The following ALG10B variants were observed in gnomAD, a reference collection of about 807,000 sequenced individuals.
ALG10B encodes dol-P-Glc:Glc(2)Man(9)GlcNAc(2)-PP-Dol alpha-1,2-glucosyltransferase B.
A neutral mutation model predicts 38.7 loss-of-function variants in ALG10B; 27 were observed. The ratio of observed to expected loss-of-function variants is 0.70; its 90% CI spans 0.51 to 0.96. The LOEUF (loss-of-function observed/expected upper bound fraction) is 0.96, where lower values mean the gene tolerates loss of function less well. Among genes scored for constraint, ALG10B ranks in the 40% least tolerant of loss-of-function variants. The probability of loss-of-function intolerance (pLI) is 0.00; values close to 1 mark genes in which losing one functional copy is unlikely to be tolerated. For missense variants in ALG10B, 522 were observed against 542.7 expected (o/e 0.96, Z 0.38); for synonymous variants, 177 against 193.3 (o/e 0.92, Z 0.70).
Position 38,328,571 on chromosome 12 carries a change from C to T in ALG10B, c.*7358C>T, listed in dbSNP as rs1455528959. On this transcript the variant is annotated 3_prime_UTR_variant, in exon 3 of 3. Transcript: ENST00000308742. ...TAAACTTTTATTAGTCTGAATTAAA[C>T]TCTTTTATAGTGTTTTATTGTTTTA... The T allele has an allele frequency of 6.6e-6, 1 of 152,056 alleles. No individual in the cohort carries two copies. The highest frequency in any genetic ancestry group is 1.5e-5 in the Non-Finnish European group (1 of 67,978). The allele number at this position is 152,056 out of a possible 1,614,324, so 9.4% of individuals were successfully genotyped here.
rs951756543 is a variant in ALG10B at position 38,326,914 on chromosome 12, T to C, written c.*5701T>C. 31 of 151,526 alleles carry C rather than the reference T, an allele frequency of 2.0e-4. No homozygotes were observed. The highest frequency in any genetic ancestry group is 2.8e-4 in the Non-Finnish European group (19 of 67,874). 9.4% of individuals were successfully genotyped at this position (151,526 alleles called of 1,614,324 possible). Reference sequence around the variant, plus strand: ...ACAATATAATATCTCTATATTGTGCTTTTTTAAGAGATAAATTTTTGATGA... The same window carrying C: ...ACAATATAATATCTCTATATTGTGCCTTTTTAAGAGATAAATTTTTGATGA... On this transcript the variant is annotated 3_prime_UTR_variant, in exon 3 of 3. Coordinates refer to ENST00000308742, the MANE Select transcript of ALG10B (RefSeq NM_001013620.4).
In ALG10B at chr12:38,321,048, T is replaced by G; in HGVS notation, c.1257T>G (p.Ile419Met). ...PQKLLEFRYF[I>M]LPYVIYRLNI... ...AACTGCTGGAATTTCGTTACTTCAT[T>G]TTACCTTATGTCATTTATAGGCTTA... Residue 419 changes from isoleucine to methionine, a missense_variant, in exon 3 of 3, where the codon ATT becomes ATG. Ile to Met is a conservative substitution (Grantham distance 10). Transcript: ENST00000308742. The G allele has an allele frequency of 6.2e-7, 1 of 1,613,676 alleles. No homozygotes were observed. The highest frequency in any genetic ancestry group is 8.5e-7 in the Non-Finnish European group (1 of 1,179,782).
At chr12:38,317,699 T>A (rs1311653695) in intron 1 of ALG10B, 1 of 176,938 alleles carries the variant, frequency 5.7e-6, no homozygotes, top group Non-Finnish European at 1.2e-5. Flanking sequence ...TAAAGTCTGT[T>A]TTAGAGAAAG....
chr12:38,324,031 T>A lies in ALG10B; in HGVS notation c.*2818T>A. The A allele has an allele frequency of 1.5e-6, 1 of 679,334 alleles. No individual in the cohort carries two copies. The highest frequency in any genetic ancestry group is 2.7e-6 in the Non-Finnish European group (1 of 376,450). 42.1% of individuals were successfully genotyped at this position (679,334 alleles called of 1,614,324 possible). On this transcript the variant is annotated 3_prime_UTR_variant, in exon 3 of 3. Transcript: ENST00000308742. ...GAGGGATCACTGTTCTATATCTTTT[T>A]TTGTTTGTTTTTGTCTTTGAGGAGA...
chr12:38,323,575 G>T lies in ALG10B; in HGVS notation c.*2362G>T. Reference sequence around the variant, plus strand: ...CCTCAATGTCAAATTTTGCTTCTCTGAGTTTTAAGTGATGAGTCTACATTT... The same window carrying T: ...CCTCAATGTCAAATTTTGCTTCTCTTAGTTTTAAGTGATGAGTCTACATTT... On this transcript the variant is annotated 3_prime_UTR_variant, in exon 3 of 3. Coordinates refer to ENST00000308742, the MANE Select transcript of ALG10B (RefSeq NM_001013620.4). 1 of 220,694 alleles carries T rather than the reference G, an allele frequency of 4.5e-6. No homozygotes were observed. 13.7% of individuals were successfully genotyped at this position (220,694 alleles called of 1,614,324 possible). A position where few individuals can be genotyped will look rare whatever the true frequency, so the allele number is the denominator to read the frequency against.
chr12:38,327,113 T>G lies in ALG10B; in HGVS notation c.*5900T>G, dbSNP rs1421145067. The G allele has an allele frequency of 1.0e-5, 1 of 99,536 alleles. No homozygotes were observed. Among genetic ancestry groups the G allele is most frequent in the East Asian group, 3.3e-4 (1 of 3,074 alleles). The allele number at this position is 99,536 out of a possible 1,614,324, so 6.2% of individuals were successfully genotyped here. A position where few individuals can be genotyped will look rare whatever the true frequency, so the allele number is the denominator to read the frequency against. ...TAATGTATGTGTGTGTGTATACATA[T>G]AATTTCTCCTTTTTTTTTTTTGTAA... On this transcript the variant is annotated 3_prime_UTR_variant, in exon 3 of 3. Coordinates refer to ENST00000308742, the MANE Select transcript of ALG10B (RefSeq NM_001013620.4).
In ALG10B at chr12:38,329,419, C is replaced by T. The variant is rs2120529146; in HGVS notation, c.*8206C>T. 2 of 387,874 alleles carry T rather than the reference C, an allele frequency of 5.2e-6. No homozygotes were observed. The highest frequency in any genetic ancestry group is 7.3e-5 in the East Asian group (2 of 27,338). 24.0% of individuals were successfully genotyped at this position (387,874 alleles called of 1,614,324 possible). On this transcript the variant is annotated 3_prime_UTR_variant, in exon 3 of 3. Transcript: ENST00000308742. ...GTTTGAAAATTAATATTTAGCTTCT[C>T]AAAAGAGACTCCTGTTTGGAAGCAA... is the stretch of plus-strand genomic sequence containing the variant.
chr12:38,323,830 A>T lies in ALG10B; in HGVS notation c.*2617A>T. 1 of 696,986 alleles carries T rather than the reference A, an allele frequency of 1.4e-6. No homozygotes were observed. The highest frequency in any genetic ancestry group is 2.6e-6 in the Non-Finnish European group (1 of 383,002). 43.2% of individuals were successfully genotyped at this position (696,986 alleles called of 1,614,324 possible). ...ACTATAGTGGAGAACTAAATCTGGG[A>T]AGTCAAAATTGAAAAAAGAATGTGT... is the stretch of plus-strand genomic sequence containing the variant. On this transcript the variant is annotated 3_prime_UTR_variant, in exon 3 of 3. Transcript: ENST00000308742.
At chr12:38,318,628 T>G (rs764010928) in intron 2 of ALG10B, among the ~76,000 whole-genome samples, 170 bp downstream of exon 2, 1 of 152,244 alleles carries the variant, frequency 6.6e-6, no homozygotes, top group Non-Finnish European at 1.5e-5. Context: ...TTAGAATAAA[T>G]TTGTATTTAA....
In ALG10B at chr12:38,325,280, T is replaced by TA. The variant is rs1359807467; in HGVS notation, c.*4068dup. 2.6e-5 allele frequency: 4 copies of TA among 152,220 alleles called. No homozygotes were observed. The highest frequency in any genetic ancestry group is 4.4e-5 in the Non-Finnish European group (3 of 68,018). The allele number at this position is 152,220 out of a possible 1,614,324, so 9.4% of individuals were successfully genotyped here. ...CTTAGAGTTATTTCTGAAATGTGCA[T>TA]AGCCAGTCATAAAATAACTTGTGTA... On this transcript the variant is annotated 3_prime_UTR_variant, in exon 3 of 3. Coordinates refer to ENST00000308742, the MANE Select transcript of ALG10B (RefSeq NM_001013620.4).
At position 38,324,814 on chromosome 12, in the gene ALG10B, A is replaced by G. The variant is rs1945730369; in HGVS notation, c.*3601A>G. 6.6e-6 allele frequency: 1 copy of G among 152,198 alleles called. No individual in the cohort carries two copies. The allele number at this position is 152,198 out of a possible 1,614,324, so 9.4% of individuals were successfully genotyped here. A position where few individuals can be genotyped will look rare whatever the true frequency, so the allele number is the denominator to read the frequency against. On this transcript the variant is annotated 3_prime_UTR_variant, in exon 3 of 3. Transcript: ENST00000308742. ...TTTTCAAAAGTTATTGAGTAGATAG[A>G]TATTTTTTCATGAATTTTTAAACAT...
Position 38,318,389 on chromosome 12 carries a change from T to C in ALG10B, c.300T>C (p.Asn100=). 6 of 1,614,214 alleles carry C rather than the reference T, an allele frequency of 3.7e-6. No homozygotes were observed. The highest frequency in any genetic ancestry group is 5.1e-6 in the Non-Finnish European group (6 of 1,180,020). Residue 100 remains asparagine, a synonymous_variant, in exon 2 of 3, where the codon AAT becomes AAC. Coordinates refer to ENST00000308742, the MANE Select transcript of ALG10B (RefSeq NM_001013620.4). ...VCSIGMLRFV[N]LLFSVGNFYL... ...CCATTGGGATGCTCAGATTTGTTAATCTTCTCTTCAGTGTTGGCAACTTCT... is the reference window on the plus strand; with the variant it reads ...CCATTGGGATGCTCAGATTTGTTAACCTTCTCTTCAGTGTTGGCAACTTCT...
chr12:38,317,300 T>G, intron 1 of ALG10B: 1 of 659,864 alleles, frequency 1.5e-6, no homozygotes, highest in Non-Finnish European at 2.5e-6. Context: ...GGAGAATACT[T>G]AGTGGGGAAC....
rs1276102632 is a variant in ALG10B at position 38,320,149 on chromosome 12, T to C, written c.370-12T>C. ...TTAAAATAATTGTATCTGTGTTTTT[T>C]CTTCCTCCAAGGCTGCCTCAAGTAT... On this transcript the variant is annotated splice_polypyrimidine_tract_variant and intron_variant, in intron 2 of 2. Transcript: ENST00000308742. The C allele has an allele frequency of 6.2e-7, 1 of 1,613,916 alleles. No homozygotes were observed. The highest frequency in any genetic ancestry group is 1.1e-5 in the South Asian group (1 of 91,062).
rs1321070993 is a variant in ALG10B, at chr12:38,316,885, G to A, written c.-9G>A. ...AGTGGGTTCTTGGGCAGTGGCTGTGGGAGCAGGAATGGCGCAGCTAGAGGG... is the reference window on the plus strand; with the variant it reads ...AGTGGGTTCTTGGGCAGTGGCTGTGAGAGCAGGAATGGCGCAGCTAGAGGG... On this transcript the variant is annotated 5_prime_UTR_variant, in exon 1 of 3. Coordinates refer to ENST00000308742, the MANE Select transcript of ALG10B (RefSeq NM_001013620.4). 1.2e-6 allele frequency: 2 copies of A among 1,614,140 alleles called. No individual in the cohort carries two copies. Among genetic ancestry groups the A allele is most frequent in the Admixed American group, 1.7e-5 (1 of 60,024 alleles).
chr12:38,318,202 T>A, intron 1 of ALG10B, 59 bp from the exon 2 acceptor site: 1 of 1,599,362 alleles, frequency 6.3e-7, no homozygotes, highest in Non-Finnish European at 8.6e-7. Context: ...CTTGACATAT[T>A]TGTGTCTGTC....
chr12:38,323,718 G>A lies in ALG10B; in HGVS notation c.*2505G>A. 8 of 591,114 alleles carry A rather than the reference G, an allele frequency of 1.4e-5. No homozygotes were observed. Among genetic ancestry groups the A allele is most frequent in the Non-Finnish European group, 2.4e-5 (8 of 334,706 alleles). 36.6% of individuals were successfully genotyped at this position (591,114 alleles called of 1,614,324 possible). On this transcript the variant is annotated 3_prime_UTR_variant, in exon 3 of 3. Transcript: ENST00000308742. Reference sequence around the variant, plus strand: ...ATAGATCGGCATTAGTTATAACAGTGATTGTAGAAAAACGTGTTTTACCCA... The same window carrying A: ...ATAGATCGGCATTAGTTATAACAGTAATTGTAGAAAAACGTGTTTTACCCA...
At position 38,322,866 on chromosome 12, in the gene ALG10B, T is replaced by C. The variant is rs1202492260; in HGVS notation, c.*1653T>C. ...AATAAGTGAGATCATGTGGTATTTGTCTTTCTGTGCTTGGCTTATTTCACT... is the reference window on the plus strand; with the variant it reads ...AATAAGTGAGATCATGTGGTATTTGCCTTTCTGTGCTTGGCTTATTTCACT... On this transcript the variant is annotated 3_prime_UTR_variant, in exon 3 of 3. Transcript: ENST00000308742. 6.6e-6 allele frequency: 1 copy of C among 152,226 alleles called. No individual in the cohort carries two copies. Among genetic ancestry groups the C allele is most frequent in the African/African-American group, 2.4e-5 (1 of 41,464 alleles). 9.4% of individuals were successfully genotyped at this position (152,226 alleles called of 1,614,324 possible).
rs140467894 is a variant in ALG10B at position 38,317,440 on chromosome 12, CTG to C, written c.171+379_171+380del. ...TTTAGCTCACCTGTTAAGCACCTCA[CTG>C]TGCATTTTAGGGGTGGGATAGGGTG... On this transcript the variant is annotated intron_variant, in intron 1 of 2. Coordinates refer to ENST00000308742, the MANE Select transcript of ALG10B (RefSeq NM_001013620.4). The C allele has an allele frequency of 6.5e-3, 1,606 of 247,636 alleles. 23 individuals carry two copies. The highest frequency in any genetic ancestry group is 0.033 in the African/African-American group (1,474 of 44,804). 15.3% of individuals were successfully genotyped at this position (247,636 alleles called of 1,614,324 possible).
Sources: allele counts gnomAD v4.1 joint callset (sites outside exome capture counted in the v4.1 genomes callset), GRCh38; gene constraint gnomAD v4.1.1; transcripts MANE v1.5; gene names NCBI Gene and HGNC (gene_info 2026-07-23, HGNC 2026-07-21).